The following RGS13 variants were observed in gnomAD, a reference collection of about 807,000 sequenced individuals.
The protein encoded by RGS13 is regulator of G protein signaling 13, also known as regulator of G-protein signalling 13.
Under a neutral mutation model 19.9 loss-of-function variants are expected in RGS13, and 14 were observed. The ratio of observed to expected loss-of-function variants is 0.70; its 90% CI spans 0.46 to 1.10. RGS13 has a LOEUF of 1.10. Ranked by LOEUF, RGS13 falls within the 50% of genes least tolerant of loss-of-function variation. The pLI, the probability that RGS13 is intolerant of heterozygous loss-of-function variation, is 0.00. For synonymous variants in RGS13, 60 were observed against 56.8 expected, an observed-to-expected ratio of 1.06 and a Z score of -0.25; for missense variants, 205 against 187.1, an observed-to-expected ratio of 1.10 and a Z score of -0.56.
At chr1:192,640,524 A>G (rs1663086873) in intron 3 of RGS13, among the ~76,000 whole-genome samples, 1 of 152,180 alleles carries the variant, frequency 6.6e-6, no homozygotes, top group Admixed American at 6.6e-5. Context: ...TATGCACACA[A>G]ACATATCCCT....
At chr1:192,651,043 T>C (rs1402348301) in intron 5 of RGS13, among the ~76,000 whole-genome samples, 1 of 150,558 alleles carries the variant, frequency 6.6e-6, no homozygotes, top group African/African-American at 2.4e-5. Flanking sequence ...AGAGTTCAGA[T>C]AGAGGAAAAC....
In RGS13 at chr1:192,652,774, T is replaced by C. The variant is rs148686611; in HGVS notation, c.127+4787T>C. On this transcript the variant is annotated intron_variant, in intron 5 of 6. Coordinates refer to ENST00000391995, the MANE Select transcript of RGS13 (RefSeq NM_002927.5). The stretch of plus-strand genomic sequence containing the variant: ...AACATGAGGGATCCAAAAGCCCAAA[T>C]TGACATGTGTTTATTCAGTGCCTGC... 3.4e-3 allele frequency among the ~76,000 whole-genome samples: 517 copies of C among 152,030 alleles called. 2 individuals carry two copies. The highest frequency in any genetic ancestry group is 5.6e-3 in the Non-Finnish European group (383 of 67,946).
At chr1:192,650,108 T>C (rs1663309172) in intron 5 of RGS13, among the ~76,000 whole-genome samples, 1 of 152,064 alleles carries the variant, frequency 6.6e-6, no homozygotes, top group Non-Finnish European at 1.5e-5. Context: ...GTGCCAGTCC[T>C]GGAAGCCTTA....
At chr1:192,654,260 T>C (rs1663397481) in intron 5 of RGS13, among the ~76,000 whole-genome samples, 1 of 151,872 alleles carries the variant, frequency 6.6e-6, no homozygotes, top group African/African-American at 2.4e-5. Flanking sequence ...TATGCCATTA[T>C]GGAATATTTT....
chr1:192,645,288 T>C (rs1375460311), intron 4 of RGS13: 1 of 152,180 alleles, frequency 6.6e-6, no homozygotes, highest in African/African-American at 2.4e-5. Context: ...CTTTCTTCTA[T>C]CTGCCTTATA....
chr1:192,659,305 A>G (rs753796385), intron 6 of RGS13, 33 bp from the exon 7 acceptor site: 1 of 1,557,118 alleles, frequency 6.4e-7, no homozygotes, highest in African/African-American at 1.4e-5. Flanking sequence ...AACTATGCTA[A>G]CTTAATGCTG....
intron 6 of RGS13, 182 bp from the exon 7 acceptor site, chr1:192,659,156 T>C (rs17583672): frequency 0.033 from 14,381 of 438,418 alleles, 454 homozygotes; most frequent in South Asian, 0.17. Flanking sequence ...AGTTGGATAT[T>C]TACTTTTAAA....
At chr1:192,641,170 G>A (rs1663098110) in intron 3 of RGS13, among the ~76,000 whole-genome samples, 1 of 139,814 alleles carries the variant, frequency 7.2e-6, no homozygotes, top group African/African-American at 2.7e-5. Flanking sequence ...GAAAGAGAGA[G>A]AAAGAAAGAA....
At chr1:192,653,141 GAT>G (rs1306755945) in intron 5 of RGS13, among the ~76,000 whole-genome samples, 5 of 152,072 alleles carry the variant, frequency 3.3e-5, no homozygotes, top group Admixed American at 1.3e-4. Flanking sequence ...AGGTAACAGA[GAT>G]AGTGTCTTCA....
chr1:192,652,023 G>A (rs1244824758), intron 5 of RGS13, among the ~76,000 whole-genome samples: 3 of 152,036 alleles, frequency 2.0e-5, no homozygotes, highest in African/African-American at 4.8e-5. Context: ...CAGCACACAC[G>A]CAGAGCAGAT....
At chr1:192,647,218 A>C (rs1346559564) in intron 4 of RGS13, 2 of 152,174 alleles carry the variant, frequency 1.3e-5, no homozygotes, top group Non-Finnish European at 2.9e-5. Context: ...CCCTTTTAAA[A>C]GCAATTTGGC....
At chr1:192,656,408 T>G (rs1296888723) in intron 5 of RGS13, among the ~76,000 whole-genome samples, 1 of 152,020 alleles carries the variant, frequency 6.6e-6, no homozygotes, top group Non-Finnish European at 1.5e-5. Context: ...TTCAGCTGTC[T>G]CTTTAGGAAC....
intron 3 of RGS13, among the ~76,000 whole-genome samples, chr1:192,638,474 G>A (rs1388780613): frequency 6.6e-6 from 1 of 151,986 alleles, no homozygotes; most frequent in Admixed American, 6.6e-5. Context: ...AAGGATGGGG[G>A]TGGGGGGTTC....
At chr1:192,656,718 T>A (rs1470277971) in intron 5 of RGS13, among the ~76,000 whole-genome samples, 2 of 152,106 alleles carry the variant, frequency 1.3e-5, no homozygotes, top group African/African-American at 4.8e-5. Flanking sequence ...TAATAGTCCA[T>A]GTTTCAATTT....
Position 192,658,225 on chromosome 1 carries a change from A to G in RGS13, c.152A>G (p.Tyr51Cys). 1 of 1,613,216 alleles carries G rather than the reference A, an allele frequency of 6.2e-7. No homozygotes were observed. Among genetic ancestry groups the G allele is most frequent in the Non-Finnish European group, 8.5e-7 (1 of 1,179,500 alleles). Residue 51 changes from tyrosine to cysteine, a missense_variant, in exon 6 of 7, where the codon TAT (tyrosine) becomes TGT (cysteine). By Grantham distance (194) the Tyr-to-Cys change is radical. Coordinates refer to ENST00000391995, the MANE Select transcript of RGS13 (RefSeq NM_002927.5). ...GATGGTCCAGTAGTCTATGCAGCAT[A>G]TTTAAAAATGGAGCACAGTGACGAG... ...TKYGPVVYAAYLKMEHSDENI... is the reference protein window; with the variant it reads ...TKYGPVVYAACLKMEHSDENI...
rs975431834 is a variant in RGS13 at position 192,660,120 on chromosome 1, A to G, written c.*597A>G. On this transcript the variant is annotated 3_prime_UTR_variant, in exon 7 of 7. Transcript: ENST00000391995. Reference sequence around the variant, plus strand: ...ATTTCTGATGATTTTTTAACAAAAAATATATGAATTTCTTCATTTGCTCTT... The same window carrying G: ...ATTTCTGATGATTTTTTAACAAAAAGTATATGAATTTCTTCATTTGCTCTT... 6.6e-6 allele frequency: 1 copy of G among 152,128 alleles called. No homozygotes were observed. Among genetic ancestry groups the G allele is most frequent in the African/African-American group, 2.4e-5 (1 of 41,466 alleles). 9.4% of individuals were successfully genotyped at this position (152,128 alleles called of 1,614,324 possible).
chr1:192,653,414 A>C (rs528420303), intron 5 of RGS13, among the ~76,000 whole-genome samples: 1 of 152,244 alleles, frequency 6.6e-6, no homozygotes, highest in Non-Finnish European at 1.5e-5. Flanking sequence ...GCAATTTTAC[A>C]ATATGTATCA....
At chr1:192,636,416 G>A (rs547368712) in intron 1 of RGS13, 99 bp downstream of exon 1, 1 of 152,002 alleles carries the variant, frequency 6.6e-6, no homozygotes, top group Non-Finnish European at 1.5e-5. Flanking sequence ...ACTTCTGGGA[G>A]TGTTAACAGA....
chr1:192,659,708 G>C lies in RGS13; in HGVS notation c.*185G>C. The C allele has an allele frequency of 1.8e-6, 1 of 548,344 alleles. No homozygotes were observed. The highest frequency in any genetic ancestry group is 1.9e-5 in the African/African-American group (1 of 51,988). The allele number at this position is 548,344 out of a possible 1,614,324, so 34.0% of individuals were successfully genotyped here. On this transcript the variant is annotated 3_prime_UTR_variant, in exon 7 of 7. Transcript: ENST00000391995. Reference sequence around the variant, plus strand: ...ATGGAATCTAGAATTCTTATAACATGAATAACAAAATGTACAGCAAGCCTA... The same window carrying C: ...ATGGAATCTAGAATTCTTATAACATCAATAACAAAATGTACAGCAAGCCTA...
Sources: allele counts gnomAD v4.1 joint callset (sites outside exome capture counted in the v4.1 genomes callset), GRCh38; gene constraint gnomAD v4.1.1; transcripts MANE v1.5; gene names NCBI Gene and HGNC (gene_info 2026-07-23, HGNC 2026-07-21).